HSPG2: variants seen among roughly 807,000 people sequenced by gnomAD.
HSPG2 encodes the protein basement membrane-specific heparan sulfate proteoglycan core protein.
Under a neutral mutation model 526.6 loss-of-function variants are expected in HSPG2, and 278 were observed. The observed-to-expected ratio is 0.53, with a 90% CI of 0.48 to 0.58. The LOEUF (loss-of-function observed/expected upper bound fraction) is 0.58. HSPG2 is among the 20% of genes least tolerant of loss of function. HSPG2 has a pLI of 0.00. For synonymous variants in HSPG2, 2,465 were observed against 2,555.4 expected, an observed-to-expected ratio of 0.96 and a Z score of 1.07; for missense variants, 5,354 against 6,099.5, an observed-to-expected ratio of 0.88 and a Z score of 4.07.
rs1342892743 is a variant in HSPG2 at position 21,844,137 on chromosome 1, A to G, written c.8616+11T>C. ...GTGGAGGATGCATGCATCCTTCTCC[A>G]GCTCCTTTACCTGGTGCCGGGCAGG... On this transcript the variant is annotated intron_variant, in intron 65 of 96. Transcript: ENST00000374695. 2 of 1,612,562 alleles carry G rather than the reference A, an allele frequency of 1.2e-6. No homozygotes were observed. Among genetic ancestry groups the G allele is most frequent in the Admixed American group, 1.7e-5 (1 of 60,028 alleles).
chr1:21,926,311 T>C (rs752251606), intron 1 of HSPG2, among the ~76,000 whole-genome samples: 1 of 152,092 alleles, frequency 6.6e-6, no homozygotes, highest in Non-Finnish European at 1.5e-5. Context: ...ACTGGTGACC[T>C]ATGTGACTGA....
rs138669339 is a variant in HSPG2 at position 21,904,635 on chromosome 1, C to G, written c.64-8325G>C. ...CAGCTTACAGGGAACCAGGAAGCCA[C>G]CGGGAAATGCCCTTGCCTCACCCAT... On this transcript the variant is annotated intron_variant, in intron 1 of 96. Coordinates refer to ENST00000374695, the MANE Select transcript of HSPG2 (RefSeq NM_005529.7). The surrounding 1 kb of genome is among the most constrained non-coding windows in gnomAD (Gnocchi z 4.4). 1.3e-5 allele frequency among the ~76,000 whole-genome samples: 2 copies of G among 152,216 alleles called. No homozygotes were observed. Among genetic ancestry groups the G allele is most frequent in the African/African-American group, 4.8e-5 (2 of 41,448 alleles).
intron 52 of HSPG2, among the ~76,000 whole-genome samples, chr1:21,852,484 G>A (rs942523835): frequency 6.6e-6 from 1 of 152,248 alleles, no homozygotes; most frequent in African/African-American, 2.4e-5. Context: ...AGAGGAAGAG[G>A]AGGTGGGAGG....
chr1:21,873,205 C>T, intron 30 of HSPG2, 114 bp from the exon 31 acceptor site: 3 of 1,140,794 alleles, frequency 2.6e-6, no homozygotes. Flanking sequence ...GAGTACTCAA[C>T]ACTCTCACGA....
At position 21,842,363 on chromosome 1, in the gene HSPG2, C is replaced by T; in HGVS notation, c.8928G>A (p.Leu2976=). 6.2e-7 allele frequency: 1 copy of T among 1,608,710 alleles called. No individual in the cohort carries two copies. Among genetic ancestry groups the T allele is most frequent in the Non-Finnish European group, 8.5e-7 (1 of 1,177,058 alleles). ...CGGCAGGGGAGACGAGGTGGAGCCG[C>T]AGCTGGGAGCCATGGGTCTGTCAGA... ...PARHQTHGSQ[L]RLHLVSPADS... The change falls in exon 68 of 97, where the codon CTG becomes CTA. Residue 2976 remains leucine (L), a synonymous_variant. Transcript: ENST00000374695.
chr1:21,860,345 G>C, intron 39 of HSPG2, 110 bp from the exon 40 acceptor site: 8 of 983,064 alleles, frequency 8.1e-6, no homozygotes, highest in Non-Finnish European at 1.2e-5. Context: ...AGGTGAGGAG[G>C]CTCGGAGCTC....
intron 6 of HSPG2, among the ~76,000 whole-genome samples, chr1:21,889,169 G>C (rs1411387219): frequency 6.6e-6 from 1 of 152,196 alleles, no homozygotes; most frequent in East Asian, 1.9e-4. Flanking sequence ...AGGGGATGGA[G>C]TTTGTTCCAT....
intron 85 of HSPG2, chr1:21,830,737 C>A: frequency 2.0e-6 from 1 of 491,670 alleles, no homozygotes; most frequent in Non-Finnish European, 3.6e-6. Context: ...GGGGGAGTGC[C>A]TGGGTGGCGG....
intron 57 of HSPG2, among the ~76,000 whole-genome samples, 180 bp from the exon 58 acceptor site, chr1:21,849,211 G>C (rs1638694898): frequency 6.6e-6 from 1 of 152,254 alleles, no homozygotes; most frequent in Non-Finnish European, 1.5e-5. Flanking sequence ...ACTGGGTCTA[G>C]CGTCCCACCT....
intron 66 of HSPG2, 21 bp downstream of exon 66, chr1:21,843,276 C>G: frequency 6.2e-7 from 1 of 1,613,784 alleles, no homozygotes; most frequent in Non-Finnish European, 8.5e-7. Flanking sequence ...CTGGCATCGC[C>G]CACTGCTCCC....
intron 1 of HSPG2, among the ~76,000 whole-genome samples, chr1:21,923,580 C>T (rs1644104700): frequency 6.6e-6 from 1 of 152,194 alleles, no homozygotes; most frequent in Admixed American, 6.5e-5. Context: ...TCTCCTCCCA[C>T]AGGCTCACTG....
rs918029830 is a variant in HSPG2 at position 21,859,900 on chromosome 1, T to C, written c.5117A>G (p.His1706Arg). Residue 1706 changes from histidine to arginine, a missense_variant, in exon 41 of 97, where the codon CAC (histidine) becomes CGC (arginine). Transcript: ENST00000374695. This position sits in a 1 kb window ranked among gnomAD's most constrained non-coding sequence, Gnocchi z 5.3. The part of the protein sequence containing the change: ...LRCQVSGSPP[H>R]YFYWSREDGR... The stretch of plus-strand genomic sequence containing the variant: ...ATCCTCACGGGACCAATAGAAGTAG[T>C]GGGGTGGGCTCCCACTGACCTGACA... 13 of 1,610,404 alleles carry C rather than the reference T, an allele frequency of 8.1e-6. No homozygotes were observed. The highest frequency in any genetic ancestry group is 1.1e-5 in the Non-Finnish European group (13 of 1,179,356).
chr1:21,829,758 C>T (rs2097994023), intron 86 of HSPG2, 154 bp from the exon 87 acceptor site: 1 of 738,448 alleles, frequency 1.4e-6, no homozygotes, highest in African/African-American at 1.8e-5. Context: ...CACAGGAGCC[C>T]CCCTGCCCTT....
At position 21,898,537 on chromosome 1, in the gene HSPG2, G is replaced by A. The variant is rs1642906394; in HGVS notation, c.64-2227C>T. Among the ~76,000 whole-genome samples the A allele has an allele frequency of 6.6e-6, 1 of 152,240 alleles. No homozygotes were observed. Among genetic ancestry groups the A allele is most frequent in the African/African-American group, 2.4e-5 (1 of 41,476 alleles). ...TGAGTCAGGTTTTTCCATCCCAGGA[G>A]GGTGGTCTTAGTTGTGCATGTCCAG... On this transcript the variant is annotated intron_variant, in intron 1 of 96. Transcript: ENST00000374695. The surrounding 1 kb of genome is among the most constrained non-coding windows in gnomAD (Gnocchi z 4.0).
intron 1 of HSPG2, among the ~76,000 whole-genome samples, chr1:21,903,375 C>A (rs1015024990): frequency 2.0e-5 from 3 of 152,122 alleles, no homozygotes; most frequent in Admixed American, 6.5e-5. Context: ...CAGAGGCAGG[C>A]GGATCACCTG....
intron 24 of HSPG2, 33 bp downstream of exon 24, chr1:21,875,830 G>T (rs374748358): frequency 6.2e-7 from 1 of 1,611,132 alleles, no homozygotes; most frequent in South Asian, 1.1e-5. Flanking sequence ...GGGCCTGCCC[G>T]CACCCCTACC....
Position 21,858,729 on chromosome 1 carries a change from G to A in HSPG2, c.5293+837C>T, listed in dbSNP as rs74574461. Among the ~76,000 whole-genome samples, 18,829 of 152,260 alleles carry A rather than the reference G, an allele frequency of 0.12. 1,391 individuals carry two copies. Among genetic ancestry groups the A allele is most frequent in the South Asian group, 0.25 (1,192 of 4,830 alleles). ...CAGCCACTGCACTTCTTTGCATTGAGGGCTTTCTCAGGCCACTGGAGCCCA... is the reference window on the plus strand; with the variant it reads ...CAGCCACTGCACTTCTTTGCATTGAAGGCTTTCTCAGGCCACTGGAGCCCA... On this transcript the variant is annotated intron_variant, in intron 42 of 96. Transcript: ENST00000374695. The surrounding 1 kb of genome is among the most constrained non-coding windows in gnomAD (Gnocchi z 4.2).
chr1:21,917,366 G>A (rs1398343652), intron 1 of HSPG2, among the ~76,000 whole-genome samples: 2 of 151,896 alleles, frequency 1.3e-5, no homozygotes, highest in Admixed American at 6.6e-5. Context: ...CCAGGAGGTC[G>A]AGGCTGCAGT....
rs575095990 is a variant in HSPG2 at position 21,851,975 on chromosome 1, A to G, written c.6871-49T>C. ...TGAGGGGGGCTTCCCGGAGGCCAGC[A>G]AATGCCCCACCGCTGTCCCCCCGAT... On this transcript the variant is annotated intron_variant, in intron 53 of 96. Coordinates refer to ENST00000374695, the MANE Select transcript of HSPG2 (RefSeq NM_005529.7). 6.5e-5 allele frequency: 104 copies of G among 1,608,054 alleles called. 1 individual carries two copies. The South Asian group carries it at 1.1e-3, about 18-fold the overall frequency.
Sources: gnomAD v4.1 joint callset for allele counts (sites outside exome capture counted in the v4.1 genomes callset) on GRCh38, gnomAD v4.1.1 for gene constraint, Gnocchi (gnomAD v3.1) non-coding constraint, MANE v1.5 for transcripts, NCBI Gene and HGNC (gene_info 2026-07-23, HGNC 2026-07-21) for gene names.